Variants in MICALL1 observed in about 807,000 individuals in gnomAD.
MICALL1 encodes MICAL-like protein 1.
Under a neutral mutation model 83.7 loss-of-function variants are expected in MICALL1, and 61 were observed. The ratio of observed to expected loss-of-function variants is 0.73; its 90% CI spans 0.59 to 0.90. The LOEUF is 0.90. Among genes scored for constraint, MICALL1 ranks in the 40% least tolerant of loss-of-function variants. The pLI, the probability that MICALL1 is intolerant of heterozygous loss-of-function variation, is 0.00. For synonymous variants in MICALL1, 481 were observed against 473.6 expected (o/e 1.02, Z -0.20); for missense variants, 1,066 against 1,152.0 (o/e 0.93, Z 1.08).
chr22:37,925,743 A>G lies in MICALL1; in HGVS notation c.1165A>G (p.Ser389Gly), dbSNP rs377096626. 3 of 1,612,090 alleles carry G rather than the reference A, an allele frequency of 1.9e-6. No individual in the cohort carries two copies. Among genetic ancestry groups the G allele is most frequent in the South Asian group, 1.1e-5 (1 of 90,998 alleles). ...GAAGAAGCCAGCCCCACTTCCCCCA[A>G]GCAGCAGCCCGGGGCCACCAAGCCA... ...PKKKPAPLPP[S>G]SSPGPPSQDS... Residue 389 changes from serine (S) to glycine (G), a missense_variant, in exon 8 of 16, where the codon AGC becomes GGC. Transcript: ENST00000215957.
At chr22:37,915,556 T>C (rs1180345671) in intron 3 of MICALL1, among the ~76,000 whole-genome samples, 2 of 151,908 alleles carry the variant, frequency 1.3e-5, no homozygotes, top group Non-Finnish European at 2.9e-5. Context: ...GCAGTGAGGA[T>C]AGGAATAACA....
chr22:37,921,905 T>A, intron 5 of MICALL1, 67 bp from the exon 6 acceptor site: 1 of 1,462,022 alleles, frequency 6.8e-7, no homozygotes. Context: ...TGGGTGCGGC[T>A]GGAGGGGTAG....
At chr22:37,909,341 AC>A (rs1479859766) in intron 1 of MICALL1, among the ~76,000 whole-genome samples, 2 of 149,454 alleles carry the variant, frequency 1.3e-5, no homozygotes, top group South Asian at 4.2e-4. Context: ...GGCGTGAGCC[AC>A]CATGCCTGGC....
At position 37,932,526 on chromosome 22, in the gene MICALL1, G is replaced by A. The variant is rs770576422; in HGVS notation, c.2017-27G>A. Reference sequence around the variant, plus strand: ...GCTCCTGGCAGCAACCAGGCAGGCCGTCAGGTGACCAGGCACTGTTGGGCA... The same window carrying A: ...GCTCCTGGCAGCAACCAGGCAGGCCATCAGGTGACCAGGCACTGTTGGGCA... On this transcript the variant is annotated intron_variant, in intron 10 of 15. Coordinates refer to ENST00000215957, the MANE Select transcript of MICALL1 (RefSeq NM_033386.4). The surrounding 1 kb of genome is among the most constrained non-coding windows in gnomAD (Gnocchi z 4.4). 9.4e-5 allele frequency: 151 copies of A among 1,611,772 alleles called. No individual in the cohort carries two copies. Among genetic ancestry groups the A allele is most frequent in the African/African-American group, 6.1e-4 (46 of 75,018 alleles).
intron 4 of MICALL1, among the ~76,000 whole-genome samples, chr22:37,918,500 T>C (rs1056602657): frequency 6.6e-6 from 1 of 152,250 alleles, no homozygotes; most frequent in African/African-American, 2.4e-5. Flanking sequence ...GCAGGGGTTA[T>C]ACAGTTTCAT....
At chr22:37,935,253 A>ATTATT (rs1335689429) in intron 13 of MICALL1, among the ~76,000 whole-genome samples, 7 of 143,394 alleles carry the variant, frequency 4.9e-5, no homozygotes, top group Admixed American at 4.3e-4. Context: ...TGTTATTATT[A>ATTATT]TTATTTTATT....
rs1930473403 is a variant in MICALL1 at position 37,942,282 on chromosome 22, A to G, written c.*1452A>G. ...CCAACTCCAGGGCCTTTCCAGGGCC[A>G]GACAGGTAACACGCATGAACCCGAG... On this transcript the variant is annotated 3_prime_UTR_variant, in exon 16 of 16. Transcript: ENST00000215957. 6.6e-6 allele frequency: 1 copy of G among 152,236 alleles called. No individual in the cohort carries two copies. Among genetic ancestry groups the G allele is most frequent in the African/African-American group, 2.4e-5 (1 of 41,468 alleles). The allele number at this position is 152,236 out of a possible 1,614,324, so 9.4% of individuals were successfully genotyped here. A position where few individuals can be genotyped will look rare whatever the true frequency, so the allele number is the denominator to read the frequency against.
At chr22:37,934,345 C>A (rs1437184529) in intron 13 of MICALL1, among the ~76,000 whole-genome samples, 2 of 152,194 alleles carry the variant, frequency 1.3e-5, no homozygotes, top group East Asian at 3.9e-4. Context: ...TCAAAGATTT[C>A]ATGTCCCTGA....
Position 37,927,638 on chromosome 22 carries a change from G to A in MICALL1, c.1693G>A (p.Glu565Lys), listed in dbSNP as rs772284925. Residue 565 changes from glutamate (E) to lysine (K), a missense_variant, in exon 9 of 16, where the codon GAA becomes AAA. By Grantham distance (56) the Glu-to-Lys change is moderately conservative (BLOSUM62 1). Transcript: ENST00000215957. ...CAACTCCTCCCTGGCCTCCTCTGGGGAACTAGTGGAGCCTAGAGTGGAACA... is the reference window on the plus strand; with the variant it reads ...CAACTCCTCCCTGGCCTCCTCTGGGAAACTAGTGGAGCCTAGAGTGGAACA... Reference protein sequence around the residue: ...STNSSLASSGELVEPRVEQMP... With the variant: ...STNSSLASSGKLVEPRVEQMP... 1 of 1,614,134 alleles carries A rather than the reference G, an allele frequency of 6.2e-7. No homozygotes were observed.
intron 8 of MICALL1, 40 bp downstream of exon 8, chr22:37,926,083 C>T (rs370066105): frequency 2.7e-5 from 38 of 1,387,294 alleles, no homozygotes; most frequent in Admixed American, 2.6e-4. Context: ...AGTCGGAACT[C>T]GGGGGTGGGG....
rs986803849 is a variant in MICALL1, at chr22:37,942,403, C to CTG, written c.*1574_*1575dup. ...GTCAAGTCACCTGTGGCCTGTGGGG[C>CTG]TGAATGTGGGCCCGGTGTTGCCAGA... On this transcript the variant is annotated 3_prime_UTR_variant, in exon 16 of 16. Transcript: ENST00000215957. 1 of 152,116 alleles carries CTG rather than the reference C, an allele frequency of 6.6e-6. No homozygotes were observed. Among genetic ancestry groups the CTG allele is most frequent in the African/African-American group, 2.4e-5 (1 of 41,396 alleles). The allele number at this position is 152,116 out of a possible 1,614,324, so 9.4% of individuals were successfully genotyped here. A position where few individuals can be genotyped will look rare whatever the true frequency, so the allele number is the denominator to read the frequency against.
intron 6 of MICALL1, among the ~76,000 whole-genome samples, 169 bp downstream of exon 6, chr22:37,922,595 ATATATATTTTTTTTTTTT>A (rs1319425329): frequency 4.5e-4 from 35 of 78,420 alleles, no homozygotes; most frequent in African/African-American, 1.9e-3. Flanking sequence ...ATATATATAT[ATATATATTTTTTTTTTTT>A]TTTTTTTTTT....
At position 37,912,019 on chromosome 22, in the gene MICALL1, G is replaced by A; in HGVS notation, c.195+19G>A. 6.2e-7 allele frequency: 1 copy of A among 1,612,490 alleles called. No individual in the cohort carries two copies. ...CCGTTTGGTAAGTTCCCGGACAGGT[G>A]GAAGCCCAAGAGGCTCTGTGTATGT... On this transcript the variant is annotated intron_variant, in intron 2 of 15. Coordinates refer to ENST00000215957, the MANE Select transcript of MICALL1 (RefSeq NM_033386.4).
At position 37,940,792 on chromosome 22, in the gene MICALL1, C is replaced by T. The variant is rs201526262; in HGVS notation, c.2554C>T (p.Arg852Cys). The change falls in exon 16 of 16, where the codon CGT becomes TGT. Residue 852 changes from arginine (R) to cysteine (C), a missense_variant. Coordinates refer to ENST00000215957, the MANE Select transcript of MICALL1 (RefSeq NM_033386.4). Reference sequence around the variant, plus strand: ...GATGTTGAAACTGCTAGGAAACAAACGTGATGCCAAGAGCAAGTCCCCCAG... The same window carrying T: ...GATGTTGAAACTGCTAGGAAACAAATGTGATGCCAAGAGCAAGTCCCCCAG... ...MKMLKLLGNK[R>C]DAKSKSPRDK... 1.6e-4 allele frequency: 259 copies of T among 1,614,112 alleles called. No individual in the cohort carries two copies. The East Asian group carries it at 2.7e-3, about 17-fold the overall frequency.
Position 37,924,617 on chromosome 22 carries a change from C to G in MICALL1, c.1025-43C>G. The G allele has an allele frequency of 6.3e-7, 1 of 1,593,128 alleles. No homozygotes were observed. Among genetic ancestry groups the G allele is most frequent in the African/African-American group, 1.3e-5 (1 of 74,500 alleles). ...GGCTGGCTCCCTGGGTGCCCACCTC[C>G]TGCTGCCCATGAAGGCCTGGCTCAC... On this transcript the variant is annotated intron_variant, in intron 6 of 15. Transcript: ENST00000215957. This position sits in a 1 kb window ranked among gnomAD's most constrained non-coding sequence, Gnocchi z 5.2.
rs997074357 is a variant in MICALL1 at position 37,906,694 on chromosome 22, C to A, written c.146+126C>A. 1.5e-5 allele frequency: 13 copies of A among 878,076 alleles called. No individual in the cohort carries two copies. Among genetic ancestry groups the A allele is most frequent in the African/African-American group, 1.8e-5 (1 of 55,524 alleles). The allele number at this position is 878,076 out of a possible 1,614,324, so 54.4% of individuals were successfully genotyped here. A position where few individuals can be genotyped will look rare whatever the true frequency, so the allele number is the denominator to read the frequency against. The stretch of plus-strand genomic sequence containing the variant: ...GCCCCCGGACACGGAGACGCCGACC[C>A]CCCCGACGGCCCCGGACGCCGGGCG... On this transcript the variant is annotated intron_variant, in intron 1 of 15. Transcript: ENST00000215957. The surrounding 1 kb of genome is among the most constrained non-coding windows in gnomAD (Gnocchi z 4.4).
In MICALL1 at chr22:37,922,441, G is replaced by A. The variant is rs1202021649; in HGVS notation, c.1024+15G>A. 1 of 1,499,508 alleles carries A rather than the reference G, an allele frequency of 6.7e-7. No homozygotes were observed. The highest frequency in any genetic ancestry group is 8.9e-7 in the Non-Finnish European group (1 of 1,129,686). The allele number at this position is 1,499,508 out of a possible 1,614,324, so 92.9% of individuals were successfully genotyped here. On this transcript the variant is annotated intron_variant, in intron 6 of 15. Transcript: ENST00000215957. ...CCTGGTGAACGGTGAGCAGGGTGCA[G>A]TCAGGGCAGGGGGCACCGGGTGGCA...
intron 3 of MICALL1, among the ~76,000 whole-genome samples, chr22:37,914,630 C>T (rs1036206591): frequency 2.0e-5 from 3 of 151,636 alleles, no homozygotes; most frequent in South Asian, 2.1e-4. Context: ...CACACACACA[C>T]GCACATATAT....
At chr22:37,919,576 C>T (rs1386840295) in intron 5 of MICALL1, among the ~76,000 whole-genome samples, 1 of 130,860 alleles carries the variant, frequency 7.6e-6, no homozygotes, top group Non-Finnish European at 1.5e-5. Flanking sequence ...GCAGAGGTTA[C>T]AGGAAGCCGA....
Sources: gnomAD v4.1 joint callset for allele counts (sites outside exome capture counted in the v4.1 genomes callset) on GRCh38, gnomAD v4.1.1 for gene constraint, Gnocchi (gnomAD v3.1) non-coding constraint, MANE v1.5 for transcripts, NCBI Gene and HGNC (gene_info 2026-07-23, HGNC 2026-07-21) for gene names.